CD163L1: variants seen among roughly 807,000 people sequenced by gnomAD.
The protein encoded by CD163L1 is scavenger receptor cysteine-rich type 1 protein M160.
A neutral mutation model predicts 165.4 loss-of-function variants in CD163L1; 124 were observed. That is an observed-to-expected ratio of 0.75 (90% CI 0.65 to 0.87). The LOEUF is 0.87. Ranked by LOEUF, CD163L1 falls within the 40% of genes least tolerant of loss-of-function variation. CD163L1 has a pLI of 0.00. For missense variants in CD163L1, 1,525 were observed against 1,799.9 expected (o/e 0.85, Z 2.76); for synonymous variants, 585 against 662.2 (o/e 0.88, Z 1.79).
At chr12:7,328,227 C>T in the CD163L1 span, 20 of 1,306,908 alleles carry the variant, frequency 1.5e-5, no homozygotes, top group African/African-American at 3.0e-5. Flanking sequence ...TCCTTCCTAT[C>T]GCACGGACAA....
chr12:7,373,350 G>A lies in CD163L1; in HGVS notation c.3700C>T (p.Pro1234Ser), dbSNP rs778692830. The A allele has an allele frequency of 1.9e-6, 3 of 1,613,572 alleles. No homozygotes were observed. Among genetic ancestry groups the A allele is most frequent in the South Asian group, 1.1e-5 (1 of 91,000 alleles). Residue 1234 changes from proline (P) to serine (S), a missense_variant, in exon 14 of 20, where the codon CCA (proline) becomes TCA (serine). Coordinates refer to ENST00000313599, the MANE Select transcript of CD163L1 (RefSeq NM_174941.6). ...SAPWERRISS[P>S]AEETWITCED... The stretch of plus-strand genomic sequence containing the variant: ...CATGTGATCCAGGTCTCTTCTGCTG[G>A]GCTGGAGATTCTTCGCTCCCATGGG...
rs1253549516 is a variant in CD163L1 at position 7,400,345 on chromosome 12, C to G, written c.1409-1761G>C. On this transcript the variant is annotated intron_variant, in intron 6 of 19. Transcript: ENST00000313599. This position sits in a 1 kb window ranked among gnomAD's most constrained non-coding sequence, Gnocchi z 4.1. ...TGACGCATGTATATATAATATGTATCATTTCCAGATATACTAAATAAAAAT... is the reference window on the plus strand; with the variant it reads ...TGACGCATGTATATATAATATGTATGATTTCCAGATATACTAAATAAAAAT... 6.6e-6 allele frequency among the ~76,000 whole-genome samples: 1 copy of G among 152,042 alleles called. No homozygotes were observed. Among genetic ancestry groups the G allele is most frequent in the South Asian group, 2.1e-4 (1 of 4,822 alleles).
At chr12:7,395,291 G>T (rs1194111086) in intron 8 of CD163L1, among the ~76,000 whole-genome samples, 1 of 152,184 alleles carries the variant, frequency 6.6e-6, no homozygotes, top group Non-Finnish European at 1.5e-5. Context: ...CATGTCCTTT[G>T]CAGGGACATG....
In CD163L1 at chr12:7,406,451, G is replaced by A. The variant is rs902547545; in HGVS notation, c.1087+81C>T. 238 of 1,334,742 alleles carry A rather than the reference G, an allele frequency of 1.8e-4. 1 individual carries two copies. Among genetic ancestry groups the A allele is most frequent in the Non-Finnish European group, 3.1e-5 (30 of 956,642 alleles). The allele number at this position is 1,334,742 out of a possible 1,614,324, so 82.7% of individuals were successfully genotyped here. ...TCACAATTCTTACACATCACAATTGGTTGTAACTTTTTCAGGGTTTGGTCC... is the reference window on the plus strand; with the variant it reads ...TCACAATTCTTACACATCACAATTGATTGTAACTTTTTCAGGGTTTGGTCC... On this transcript the variant is annotated intron_variant, in intron 5 of 19. Transcript: ENST00000313599.
chr12:7,384,171 T>TA (rs143282690), intron 8 of CD163L1, among the ~76,000 whole-genome samples: 2,881 of 150,920 alleles, frequency 0.019, 103 homozygotes, highest in African/African-American at 0.066. Flanking sequence ...ATGAAAAACA[T>TA]AAAAAAAATC....
rs201024164 is a variant in CD163L1 at position 7,426,700 on chromosome 12, G to C, written c.766+5716C>G. The stretch of plus-strand genomic sequence containing the variant: ...ACATGTCTACCCATGTAACAAACTT[G>C]CATGTTCTGTACATGTATACCAGAA... On this transcript the variant is annotated intron_variant, in intron 4 of 19. Coordinates refer to ENST00000313599, the MANE Select transcript of CD163L1 (RefSeq NM_174941.6). 2.6e-4 allele frequency among the ~76,000 whole-genome samples: 39 copies of C among 152,150 alleles called. No homozygotes were observed. The East Asian group carries it at 7.1e-3, about 28-fold the overall frequency.
At chr12:7,328,351 A>AG in the CD163L1 span, 1 of 1,592,938 alleles carries the variant, frequency 6.3e-7, no homozygotes, top group Non-Finnish European at 8.6e-7. Flanking sequence ...GTTTTAAGAG[A>AG]CCAAGAATGG....
chr12:7,408,410 C>T (rs1365432224), intron 4 of CD163L1, among the ~76,000 whole-genome samples: 1 of 151,942 alleles, frequency 6.6e-6, no homozygotes, highest in Non-Finnish European at 1.5e-5. Context: ...TAATATATTG[C>T]TAGATTCAAG....
At chr12:7,410,045 A>G (rs1273610765) in intron 4 of CD163L1, among the ~76,000 whole-genome samples, 2 of 152,148 alleles carry the variant, frequency 1.3e-5, no homozygotes, top group Non-Finnish European at 2.9e-5. Context: ...AAATAAATAT[A>G]AAAACTATAA....
chr12:7,340,220 A>G, the CD163L1 span, among the ~76,000 whole-genome samples: 1 of 152,160 alleles, frequency 6.6e-6, no homozygotes, highest in East Asian at 1.9e-4. Context: ...CCTAGTCTGT[A>G]AAAGGTTCTT....
intron 18 of CD163L1, among the ~76,000 whole-genome samples, chr12:7,363,776 C>CATA (rs1946954650): frequency 2.3e-5 from 2 of 87,434 alleles, no homozygotes; most frequent in East Asian, 3.5e-4. Flanking sequence ...AGATCAAAGC[C>CATA]ATAATAATAA....
chr12:7,323,092 A>G, the CD163L1 span: 1 of 730,736 alleles, frequency 1.4e-6, no homozygotes, highest in Admixed American at 2.9e-5. Context: ...TTTGAGAACT[A>G]CTGGTTTCAA....
intron 8 of CD163L1, among the ~76,000 whole-genome samples, chr12:7,388,756 A>AC (rs1947577658): frequency 6.6e-6 from 1 of 151,264 alleles, no homozygotes; most frequent in African/African-American, 2.4e-5. Context: ...AAAAAAAAAA[A>AC]AACAAAGTGG....
chr12:7,382,222 A>G (rs899578704), intron 8 of CD163L1, among the ~76,000 whole-genome samples: 65 of 152,208 alleles, frequency 4.3e-4, no homozygotes, highest in African/African-American at 1.5e-3. Flanking sequence ...TCCCGTGTTC[A>G]GGAATCCTCA....
At chr12:7,357,652 T>A in intron 18 of CD163L1, 166 bp from the exon 19 acceptor site, 1 of 462,682 alleles carries the variant, frequency 2.2e-6, no homozygotes, top group Non-Finnish European at 3.9e-6. Context: ...GTAAAATAAT[T>A]ATCATATTTA....
the CD163L1 span, chr12:7,328,250 A>G: frequency 6.8e-7 from 1 of 1,478,226 alleles, no homozygotes; most frequent in Non-Finnish European, 9.2e-7. Context: ...GGAAGGATGG[A>G]ATCAAGTGTC....
Position 7,422,658 on chromosome 12 carries a change from A to T in CD163L1, c.766+9758T>A, listed in dbSNP as rs1948460611. Among the ~76,000 whole-genome samples the T allele has an allele frequency of 2.7e-5, 4 of 149,864 alleles. No homozygotes were observed. The Admixed American group carries it at 2.7e-4, about 10-fold the overall frequency. Reference sequence around the variant, plus strand: ...ATATATATCTCATATATATTCATATATATCTCATATCATAACTATCTCATA... The same window carrying T: ...ATATATATCTCATATATATTCATATTTATCTCATATCATAACTATCTCATA... On this transcript the variant is annotated intron_variant, in intron 4 of 19. Coordinates refer to ENST00000313599, the MANE Select transcript of CD163L1 (RefSeq NM_174941.6).
At chr12:7,346,327 T>A (rs1426340515), downstream of CD163L1, among the ~76,000 whole-genome samples, 3 of 152,172 alleles carry the variant, frequency 2.0e-5, no homozygotes, top group African/African-American at 7.2e-5. Flanking sequence ...TATTAATTTG[T>A]ATTGATTCTT....
At chr12:7,406,900 A>C (rs1021563232) in intron 4 of CD163L1, 48 bp from the exon 5 acceptor site, 3 of 1,541,510 alleles carry the variant, frequency 1.9e-6, no homozygotes, top group Non-Finnish European at 2.7e-6. Context: ...TTTGATCAGA[A>C]ACTTCAGATT....
Sources: gnomAD v4.1 joint callset for allele counts (sites outside exome capture counted in the v4.1 genomes callset) on GRCh38, gnomAD v4.1.1 for gene constraint, Gnocchi (gnomAD v3.1) non-coding constraint, MANE v1.5 for transcripts, NCBI Gene and HGNC (gene_info 2026-07-23, HGNC 2026-07-21) for gene names.